Variants in ARHGAP5 observed in about 807,000 individuals in gnomAD.
ARHGAP5 encodes the protein rho GTPase-activating protein 5.
In ARHGAP5, 23 loss-of-function variants were observed where a neutral mutation model predicts 116.6. That is an observed-to-expected ratio of 0.20 (90% CI 0.14 to 0.28). The LOEUF is 0.28. ARHGAP5 is among the 10% of genes least tolerant of loss of function. The pLI is 1.00. For missense variants in ARHGAP5, 1,405 were observed against 1,774.8 expected (o/e 0.79, Z 3.74); for synonymous variants, 574 against 602.0 (o/e 0.95, Z 0.68).
intron 3 of ARHGAP5, among the ~76,000 whole-genome samples, chr14:32,140,309 C>T (rs1292916558): frequency 6.6e-6 from 1 of 151,784 alleles, no homozygotes; most frequent in African/African-American, 2.4e-5. Context: ...TGGCCGAGCA[C>T]AGTGGCCCAC....
rs556996403 is a variant in ARHGAP5, at chr14:32,111,980, A to C, written c.3718-5160A>C. Among the ~76,000 whole-genome samples, 166 of 150,668 alleles carry C rather than the reference A, an allele frequency of 1.1e-3. 1 individual carries two copies. The highest frequency in any genetic ancestry group is 2.2e-3 in the Non-Finnish European group (146 of 67,780). On this transcript the variant is annotated intron_variant, in intron 2 of 6. Coordinates refer to ENST00000345122, the MANE Select transcript of ARHGAP5 (RefSeq NM_001030055.2). ...ACTACAGGCTCACGCCACCATGCCC[A>C]GCTGATTTTTGTATTTTTAGTAGAG...
rs1881836910 is a variant in ARHGAP5, at chr14:32,155,137, C to G, written c.*189C>G. 1.7e-6 allele frequency: 1 copy of G among 580,418 alleles called. No individual in the cohort carries two copies. The highest frequency in any genetic ancestry group is 2.9e-6 in the Non-Finnish European group (1 of 340,564). 36.0% of individuals were successfully genotyped at this position (580,418 alleles called of 1,614,324 possible). Reference sequence around the variant, plus strand: ...ATCTAAGACCATGTGATAAGCATGACTGGAGAGGTTTAATTTTTATAAACA... The same window carrying G: ...ATCTAAGACCATGTGATAAGCATGAGTGGAGAGGTTTAATTTTTATAAACA... On this transcript the variant is annotated 3_prime_UTR_variant, in exon 7 of 7. Coordinates refer to ENST00000345122, the MANE Select transcript of ARHGAP5 (RefSeq NM_001030055.2).
In ARHGAP5 at chr14:32,152,452, G is replaced by A. The variant is rs764982414; in HGVS notation, c.4105G>A (p.Ala1369Thr). ...CCCGGATAAAACAGAACGTCTTCAT[G>A]CCTTGAAAGAAATTGTTAAGAAATT... The part of the protein sequence containing the change: ...KIPDKTERLH[A>T]LKEIVKKFHP... Residue 1369 changes from alanine to threonine, a missense_variant, in exon 6 of 7, where the codon GCC becomes ACC. By Grantham distance (58) the Ala-to-Thr change is moderately conservative. Coordinates refer to ENST00000345122, the MANE Select transcript of ARHGAP5 (RefSeq NM_001030055.2). The A allele has an allele frequency of 9.3e-6, 15 of 1,607,704 alleles. No homozygotes were observed. In the Admixed American group the frequency reaches 2.5e-4, roughly 27 times the overall value.
intron 3 of ARHGAP5, among the ~76,000 whole-genome samples, chr14:32,139,813 A>T (rs944181962): frequency 4.0e-5 from 6 of 150,590 alleles, no homozygotes; most frequent in African/African-American, 1.5e-4. Flanking sequence ...GTTTTTACAG[A>T]TGCAGGTTTC....
chr14:32,110,457 GT>G (rs1479340320), intron 2 of ARHGAP5, among the ~76,000 whole-genome samples: 1 of 151,996 alleles, frequency 6.6e-6, no homozygotes, highest in African/African-American at 2.4e-5. Context: ...TAATAGGGTG[GT>G]CAGTGTAGGC....
chr14:32,111,695 C>G (rs553046384), intron 2 of ARHGAP5, among the ~76,000 whole-genome samples: 4 of 152,086 alleles, frequency 2.6e-5, no homozygotes, highest in Non-Finnish European at 4.4e-5. Context: ...AAAAGGAACT[C>G]TCTGATGGTC....
Position 32,146,334 on chromosome 14 carries a change from G to T in ARHGAP5, c.3937G>T (p.Asp1313Tyr). ...TDQDNIQKQF[D>Y]QDHNINLVSM... is the part of the protein sequence containing the mutation. ...CCAAGACAATATTCAAAAGCAGTTT[G>T]ATCAAGGTAAGAAGATGATTATGTG... is the stretch of plus-strand genomic sequence containing the variant. The change falls in exon 4 of 7, where the codon GAT (aspartate) becomes TAT (tyrosine). Residue 1313 changes from aspartate to tyrosine, a missense_variant. Asp to Tyr is a radical substitution (Grantham distance 160). Transcript: ENST00000345122. 1 of 1,609,448 alleles carries T rather than the reference G, an allele frequency of 6.2e-7. No individual in the cohort carries two copies. Among genetic ancestry groups the T allele is most frequent in the South Asian group, 1.1e-5 (1 of 90,934 alleles).
chr14:32,124,709 C>T (rs947701753), intron 3 of ARHGAP5, among the ~76,000 whole-genome samples: 2 of 152,088 alleles, frequency 1.3e-5, no homozygotes, highest in Non-Finnish European at 2.9e-5. Context: ...TTAAATCTTC[C>T]GAGGTGCCTG....
chr14:32,140,314 G>T (rs1881058112), intron 3 of ARHGAP5, among the ~76,000 whole-genome samples: 1 of 151,620 alleles, frequency 6.6e-6, no homozygotes, highest in African/African-American at 2.4e-5. Flanking sequence ...GAGCACAGTG[G>T]CCCACGCCTG....
At position 32,090,543 on chromosome 14, in the gene ARHGAP5, A is replaced by G. The variant is rs1057420941; in HGVS notation, c.-127A>G. 5 of 810,760 alleles carry G rather than the reference A, an allele frequency of 6.2e-6. No individual in the cohort carries two copies. Among genetic ancestry groups the G allele is most frequent in the Non-Finnish European group, 9.7e-6 (5 of 517,348 alleles). The allele number at this position is 810,760 out of a possible 1,614,324, so 50.2% of individuals were successfully genotyped here. A position where few individuals can be genotyped will look rare whatever the true frequency, so the allele number is the denominator to read the frequency against. Reference sequence around the variant, plus strand: ...ATCTTGAAGATGTTTCTGCACAGAAATGAGGGAAATACAAAGAACCAAATA... The same window carrying G: ...ATCTTGAAGATGTTTCTGCACAGAAGTGAGGGAAATACAAAGAACCAAATA... On this transcript the variant is annotated 5_prime_UTR_variant, in exon 2 of 7. An upstream start codon of the reference 5' UTR is lost. Transcript: ENST00000345122.
chr14:32,105,145 C>A (rs746857621), intron 2 of ARHGAP5, among the ~76,000 whole-genome samples: 1 of 152,110 alleles, frequency 6.6e-6, no homozygotes, highest in Non-Finnish European at 1.5e-5. Context: ...CTATGCAGTT[C>A]TAGAAGTCAG....
chr14:32,114,474 C>T (rs1293789814), intron 2 of ARHGAP5, among the ~76,000 whole-genome samples: 1 of 152,050 alleles, frequency 6.6e-6, no homozygotes, highest in Non-Finnish European at 1.5e-5. Flanking sequence ...TGGTGGTGGT[C>T]GAAGTGGAGG....
intron 3 of ARHGAP5, among the ~76,000 whole-genome samples, chr14:32,131,779 C>G (rs1259674795): frequency 6.6e-6 from 1 of 152,168 alleles, no homozygotes; most frequent in Non-Finnish European, 1.5e-5. Flanking sequence ...GTTCCCCTTC[C>G]TGTGTCCACG....
Position 32,091,903 on chromosome 14 carries a change from A to G in ARHGAP5, c.1234A>G (p.Lys412Glu), listed in dbSNP as rs548631148. The change falls in exon 2 of 7, where the codon AAA (lysine) becomes GAA (glutamate). Residue 412 changes from lysine (K) to glutamate (E), a missense_variant. Lys to Glu is a moderately conservative substitution (Grantham distance 56). Transcript: ENST00000345122. ...CCTCCTGAGCACTTTAGAAGCTGAA[A>G]AAGTCTATCAGAACCATGTACAGCA... Reference protein sequence around the residue: ...FDLLSTLEAEKVYQNHVQHLI... With the variant: ...FDLLSTLEAEEVYQNHVQHLI... The G allele has an allele frequency of 7.3e-5, 117 of 1,613,510 alleles. No individual in the cohort carries two copies. The Admixed American group carries it at 2.0e-3, about 27-fold the overall frequency.
At chr14:32,085,670 A>C (rs943797663) in intron 1 of ARHGAP5, among the ~76,000 whole-genome samples, 1 of 152,028 alleles carries the variant, frequency 6.6e-6, no homozygotes, top group African/African-American at 2.4e-5. Flanking sequence ...TACATAAGGG[A>C]TAGTTATTTG....
rs565726282 is a variant in ARHGAP5 at position 32,088,521 on chromosome 14, C to G, written c.-168-1981C>G. Among the ~76,000 whole-genome samples the G allele has an allele frequency of 3.9e-5, 6 of 152,032 alleles. No homozygotes were observed. In the South Asian group the frequency reaches 1.2e-3, roughly 31 times the overall value. On this transcript the variant is annotated intron_variant, in intron 1 of 6. Coordinates refer to ENST00000345122, the MANE Select transcript of ARHGAP5 (RefSeq NM_001030055.2). ...TGTCTAGAATATACTATGTTTTCTT[C>G]TCTGTAAATATCCATAAATAAAGTG... is the stretch of plus-strand genomic sequence containing the variant.
intron 4 of ARHGAP5, among the ~76,000 whole-genome samples, chr14:32,148,407 A>G (rs770664689): frequency 5.3e-5 from 8 of 152,052 alleles, no homozygotes; most frequent in Non-Finnish European, 1.0e-4. Flanking sequence ...TCTAAATCTC[A>G]ATTTCTTCAT....
chr14:32,102,589 C>T (rs1878841575), intron 2 of ARHGAP5, among the ~76,000 whole-genome samples: 1 of 152,172 alleles, frequency 6.6e-6, no homozygotes, highest in Admixed American at 6.5e-5. Context: ...AGTCTTTATC[C>T]TGAGAGCTCT....
At chr14:32,078,915 C>T (rs1428762807) in intron 1 of ARHGAP5, among the ~76,000 whole-genome samples, 1 of 152,204 alleles carries the variant, frequency 6.6e-6, no homozygotes, top group African/African-American at 2.4e-5. Flanking sequence ...TACTAACCGT[C>T]TAGGTAACCT....
Sources: gnomAD v4.1 joint callset for allele counts (sites outside exome capture counted in the v4.1 genomes callset) on GRCh38, gnomAD v4.1.1 for gene constraint, MANE v1.5 for transcripts, NCBI Gene and HGNC (gene_info 2026-07-23, HGNC 2026-07-21) for gene names.